TULP4: variants seen among roughly 807,000 people sequenced by gnomAD.
TULP4 encodes tubby-related protein 4.
In TULP4, 16 loss-of-function variants were observed where a neutral mutation model predicts 129.0. That is an observed-to-expected ratio of 0.12 (90% CI 0.08 to 0.19). TULP4 has a LOEUF of 0.19. TULP4 is among the 10% of genes least tolerant of loss of function. TULP4 has a pLI of 1.00. For synonymous variants in TULP4, 998 were observed against 854.0 expected (o/e 1.17, Z -2.94); for missense variants, 1,842 against 2,059.1 (o/e 0.89, Z 2.04).
chr6:158,263,754 TCAA>T (rs78578851), intron 1 of TULP4, among the ~76,000 whole-genome samples: 10,003 of 151,658 alleles, frequency 0.066, 398 homozygotes, highest in East Asian at 0.093. Context: ...AGACCCTGTC[TCAA>T]CAACAACAAC....
At chr6:158,345,005 T>G (rs767677146) in intron 1 of TULP4, among the ~76,000 whole-genome samples, 3 of 152,212 alleles carry the variant, frequency 2.0e-5, no homozygotes, top group Non-Finnish European at 4.4e-5. Context: ...GTTTTAGTGG[T>G]CTGGATGGAA....
chr6:158,350,825 A>G (rs1780500543), intron 1 of TULP4, among the ~76,000 whole-genome samples: 1 of 151,644 alleles, frequency 6.6e-6, no homozygotes, highest in Non-Finnish European at 1.5e-5. Flanking sequence ...AAGTGGTGCA[A>G]TCTCGGCTCA....
chr6:158,334,718 A>C lies in TULP4; in HGVS notation c.252+20450A>C, dbSNP rs9456292. On this transcript the variant is annotated intron_variant, in intron 1 of 13. Transcript: ENST00000367097. ...GGTCTGAATGTGTCCTCCAAAATTC[A>C]CATGTTGAAACTTTACAGCCAATGT... 5.5e-3 allele frequency among the ~76,000 whole-genome samples: 842 copies of C among 152,278 alleles called. 7 individuals carry two copies. The highest frequency in any genetic ancestry group is 0.019 in the African/African-American group (773 of 41,556).
intron 11 of TULP4, among the ~76,000 whole-genome samples, chr6:158,497,399 T>A (rs1192307519): frequency 6.6e-6 from 1 of 152,234 alleles, no homozygotes; most frequent in Non-Finnish European, 1.5e-5. Context: ...ATCTGGCCCA[T>A]GAAATTTTTT....
intron 1 of TULP4, among the ~76,000 whole-genome samples, chr6:158,378,185 G>T (rs1361237761): frequency 2.6e-5 from 4 of 152,162 alleles, no homozygotes; most frequent in Non-Finnish European, 4.4e-5. Context: ...CTCTTCTGCA[G>T]CATTCCGTTG....
At chr6:158,486,414 G>A (rs958482795) in intron 8 of TULP4, among the ~76,000 whole-genome samples, 31 of 152,224 alleles carry the variant, frequency 2.0e-4, no homozygotes, top group African/African-American at 6.0e-4. Flanking sequence ...TTAGCCGGGC[G>A]TGGTGGCGGG....
chr6:158,431,685 A>C (rs705952), intron 3 of TULP4, among the ~76,000 whole-genome samples: 1 of 151,852 alleles, frequency 6.6e-6, no homozygotes, highest in Non-Finnish European at 1.5e-5. Context: ...CAGGCAGCCC[A>C]AGCAGAGTTC....
At chr6:158,447,971 C>T (rs1221322740) in intron 3 of TULP4, among the ~76,000 whole-genome samples, 1 of 152,206 alleles carries the variant, frequency 6.6e-6, no homozygotes, top group Non-Finnish European at 1.5e-5. Flanking sequence ...CAAAGCAGAA[C>T]ATAATGCAAT....
At chr6:158,319,539 A>G (rs191302993) in intron 1 of TULP4, among the ~76,000 whole-genome samples, 1 of 152,314 alleles carries the variant, frequency 6.6e-6, no homozygotes, top group African/African-American at 2.4e-5. Flanking sequence ...CACGGAACTA[A>G]CTAAATTGAA....
upstream of TULP4, chr6:158,282,140 T>A (rs1234106001): frequency 1.3e-5 from 2 of 152,144 alleles, no homozygotes; most frequent in Admixed American, 1.3e-4. Flanking sequence ...TCGGAAAGAG[T>A]CATGTTTCTA....
At chr6:158,342,647 A>G (rs1408249630) in intron 1 of TULP4, among the ~76,000 whole-genome samples, 2 of 152,302 alleles carry the variant, frequency 1.3e-5, no homozygotes, top group East Asian at 1.9e-4. Context: ...TCAGTTGCCT[A>G]TATTTACTGA....
intron 1 of TULP4, among the ~76,000 whole-genome samples, chr6:158,274,941 C>T (rs2128463626): frequency 6.6e-6 from 1 of 152,326 alleles, no homozygotes; most frequent in Middle Eastern, 3.4e-3. Context: ...CTCTTGTTAG[C>T]CTTTTATTGA....
At chr6:158,308,789 A>G (rs1321814290), upstream of TULP4, among the ~76,000 whole-genome samples, 159 of 67,990 alleles carry the variant, frequency 2.3e-3, no homozygotes, top group Middle Eastern at 0.016. Context: ...CGGACGGGGC[A>G]GCTGGCCGGG....
intron 1 of TULP4, among the ~76,000 whole-genome samples, chr6:158,258,709 C>T (rs1173885156): frequency 6.6e-6 from 1 of 152,120 alleles, no homozygotes; most frequent in African/African-American, 2.4e-5. Context: ...AACAAAATGC[C>T]GCCATCACCA....
chr6:158,456,885 C>T (rs116320439), intron 5 of TULP4, among the ~76,000 whole-genome samples: 1,642 of 151,982 alleles, frequency 0.011, 32 homozygotes, highest in African/African-American at 0.036. Flanking sequence ...CTTGGGATCT[C>T]GTTCTCTGTG....
rs563322804 is a variant in TULP4 at position 158,297,727 on chromosome 6, A to G, written n.117-14324A>G. Among the ~76,000 whole-genome samples the G allele has an allele frequency of 4.6e-5, 7 of 152,306 alleles. No individual in the cohort carries two copies. In the East Asian group the frequency reaches 1.3e-3, roughly 29 times the overall value. On this transcript the variant is annotated intron_variant and non_coding_transcript_variant, in intron 1 of 1. Transcript: ENST00000432358. The stretch of plus-strand genomic sequence containing the variant: ...TCCCACAACAGATAAGGGTCCAACA[A>G]AGATCACAAGGCAAAGGGCAAAAGC...
chr6:158,502,432 C>T lies in TULP4; in HGVS notation c.2769C>T (p.Ala923=), dbSNP rs1218934304. The T allele has an allele frequency of 1.2e-6, 2 of 1,613,532 alleles. No individual in the cohort carries two copies. Among genetic ancestry groups the T allele is most frequent in the African/African-American group, 1.3e-5 (1 of 74,928 alleles). Reference sequence around the variant, plus strand: ...CCCTCCCCGGCCCGGGTAGCTCTGCCACCTTGAGGCTCACGGCCACTGAGA... The same window carrying T: ...CCCTCCCCGGCCCGGGTAGCTCTGCTACCTTGAGGCTCACGGCCACTGAGA... The part of the protein sequence containing the change: ...TYTLPGPGSS[A]TLRLTATEKK... The change falls in exon 13 of 14, where the codon GCC becomes GCT. Residue 923 remains alanine (A), a synonymous_variant. Coordinates refer to ENST00000367097, the MANE Select transcript of TULP4 (RefSeq NM_020245.5).
chr6:158,480,013 C>G, intron 7 of TULP4, 38 bp downstream of exon 7: 1 of 1,495,634 alleles, frequency 6.7e-7, no homozygotes, highest in Non-Finnish European at 9.1e-7. Context: ...TCCTCCCTCA[C>G]CTGTGCTGGC....
chr6:158,297,322 G>A (rs1779052412), intron 1 of TULP4, among the ~76,000 whole-genome samples: 1 of 152,104 alleles, frequency 6.6e-6, no homozygotes, highest in South Asian at 2.1e-4. Flanking sequence ...GTCTTGCATT[G>A]TTCCCTAAAA....
Sources: allele counts gnomAD v4.1 joint callset (sites outside exome capture counted in the v4.1 genomes callset), GRCh38; gene constraint gnomAD v4.1.1; transcripts MANE v1.5; gene names NCBI Gene and HGNC (gene_info 2026-07-23, HGNC 2026-07-21).